The following CREBBP variants were observed in gnomAD, a reference collection of about 807,000 sequenced individuals.
The protein encoded by CREBBP is CREB-binding protein.
CREBBP carries 19 observed loss-of-function variants against 265.0 expected under a neutral mutation model. That is an observed-to-expected ratio of 0.07 (90% CI 0.05 to 0.11). The LOEUF is 0.11. Ranked by LOEUF, CREBBP falls within the 10% of genes least tolerant of loss-of-function variation. The probability of loss-of-function intolerance (pLI) is 1.00; values close to 1 mark genes in which losing one functional copy is unlikely to be tolerated. For synonymous variants in CREBBP, 1,457 were observed against 1,223.7 expected (o/e 1.19, Z -3.98); for missense variants, 2,525 against 3,219.0 (o/e 0.78, Z 5.22).
chr16:3,843,403 T>C (rs941925791), intron 2 of CREBBP, among the ~76,000 whole-genome samples: 1 of 148,670 alleles, frequency 6.7e-6, no homozygotes, highest in African/African-American at 2.5e-5. Flanking sequence ...TTATAGAAAA[T>C]AGCAATAAAG....
chr16:3,727,835 T>C lies in CREBBP; in HGVS notation c.7212A>G (p.Glu2404=), dbSNP rs55916120. The C allele has an allele frequency of 0.025, 39,823 of 1,614,136 alleles. 575 individuals are homozygous for C. Among genetic ancestry groups the C allele is most frequent in the Non-Finnish European group, 0.03 (35,541 of 1,180,020 alleles). The change falls in exon 31 of 31, where the codon GAA becomes GAG. Residue 2404 remains glutamate, a synonymous_variant. Transcript: ENST00000262367. ...SIDQGHLGNP[E]QSAMLPQLNT... ...TCAGCTGGGGGAGCATTGCACTCTG[T>C]TCGGGGTTCCCCAAGTGTCCCTGAT...
At position 3,810,588 on chromosome 16, in the gene CREBBP, C is replaced by T; in HGVS notation, c.975+15G>A. The T allele has an allele frequency of 6.2e-7, 1 of 1,613,274 alleles. No homozygotes were observed. The highest frequency in any genetic ancestry group is 1.3e-5 in the African/African-American group (1 of 74,942). On this transcript the variant is annotated intron_variant, in intron 3 of 30. Coordinates refer to ENST00000262367, the MANE Select transcript of CREBBP (RefSeq NM_004380.3). Reference sequence around the variant, plus strand: ...CACCGGAGAGCCATAACACTGAGGGCCAAGGGTAACTTACCATATTTGGCA... The same window carrying T: ...CACCGGAGAGCCATAACACTGAGGGTCAAGGGTAACTTACCATATTTGGCA...
chr16:3,844,759 G>T (rs759605237), intron 2 of CREBBP, among the ~76,000 whole-genome samples: 2 of 152,146 alleles, frequency 1.3e-5, no homozygotes, highest in African/African-American at 4.8e-5. Flanking sequence ...AAAGCAGCCA[G>T]ATTACCAGAG....
chr16:3,769,411 A>G (rs1596882851), intron 14 of CREBBP, 58 bp from the exon 15 acceptor site: 1 of 1,593,334 alleles, frequency 6.3e-7, no homozygotes, highest in East Asian at 2.2e-5. Flanking sequence ...ATGATCTTCA[A>G]CTATGCTGCT....
intron 26 of CREBBP, 61 bp downstream of exon 26, chr16:3,738,498 T>C: frequency 1.0e-6 from 1 of 1,004,988 alleles, no homozygotes; most frequent in Middle Eastern, 2.1e-4. Context: ...TTTCACGGAA[T>C]AAACATACAG....
chr16:3,849,718 G>A (rs540523740), intron 2 of CREBBP, among the ~76,000 whole-genome samples: 1 of 151,730 alleles, frequency 6.6e-6, no homozygotes, highest in South Asian at 2.1e-4. Flanking sequence ...GAGCTTCTGA[G>A]TCAATAAAGA....
At chr16:3,732,084 G>T in intron 28 of CREBBP, 147 bp from the exon 29 acceptor site, 2 of 1,438,330 alleles carry the variant, frequency 1.4e-6, no homozygotes, top group Non-Finnish European at 9.7e-7. Context: ...GCTACAGGTG[G>T]CTGTAGGTGC....
At chr16:3,755,419 T>A (rs1298644050) in intron 19 of CREBBP, among the ~76,000 whole-genome samples, 1 of 152,246 alleles carries the variant, frequency 6.6e-6, no homozygotes, top group Non-Finnish European at 1.5e-5. Flanking sequence ...GGCATTTTTC[T>A]GGGTGTAGTT....
At chr16:3,784,431 G>T (rs1272996674) in intron 5 of CREBBP, 1 of 152,210 alleles carries the variant, frequency 6.6e-6, no homozygotes, top group Non-Finnish European at 1.5e-5. Context: ...TGTAGCTGAA[G>T]TAAGTCACGC....
chr16:3,762,782 T>A (rs1188738363), intron 16 of CREBBP, among the ~76,000 whole-genome samples: 2 of 151,900 alleles, frequency 1.3e-5, no homozygotes, highest in Non-Finnish European at 2.9e-5. Flanking sequence ...TGGTCACATT[T>A]TTATTTTTTT....
intron 2 of CREBBP, among the ~76,000 whole-genome samples, chr16:3,822,487 T>C (rs2054160273): frequency 6.6e-6 from 1 of 152,162 alleles, no homozygotes; most frequent in East Asian, 1.9e-4. Context: ...GAACTAATTC[T>C]TGAACTGGGC....
At chr16:3,775,246 G>C (rs1285410765) in intron 11 of CREBBP, among the ~76,000 whole-genome samples, 4 of 152,166 alleles carry the variant, frequency 2.6e-5, no homozygotes, top group Non-Finnish European at 5.9e-5. Context: ...TTTTAATTTT[G>C]CAAGCACCTT....
chr16:3,726,453 G>C lies in CREBBP; in HGVS notation c.*1265C>G, dbSNP rs993781761. On this transcript the variant is annotated 3_prime_UTR_variant, in exon 31 of 31. Transcript: ENST00000262367. Reference sequence around the variant, plus strand: ...CCCACCTCAGTCTCCGGGAAGAAAAGCCTCCGGGCGGCCGCTAAGCCTGGG... The same window carrying C: ...CCCACCTCAGTCTCCGGGAAGAAAACCCTCCGGGCGGCCGCTAAGCCTGGG... 4.3e-6 allele frequency: 1 copy of C among 233,176 alleles called. No homozygotes were observed. Among genetic ancestry groups the C allele is most frequent in the African/African-American group, 2.2e-5 (1 of 45,282 alleles). The allele number at this position is 233,176 out of a possible 1,614,324, so 14.4% of individuals were successfully genotyped here. A position where few individuals can be genotyped will look rare whatever the true frequency, so the allele number is the denominator to read the frequency against.
intron 3 of CREBBP, among the ~76,000 whole-genome samples, chr16:3,795,739 GTCCATC>G (rs2053595221): frequency 6.6e-6 from 1 of 152,122 alleles, no homozygotes; most frequent in Admixed American, 6.6e-5. Context: ...GGATTGGAAG[GTCCATC>G]GAGAAATCAA....
rs2051759216 is a variant in CREBBP, at chr16:3,726,853, T to C, written c.*865A>G. 1 of 233,526 alleles carries C rather than the reference T, an allele frequency of 4.3e-6. No individual in the cohort carries two copies. The highest frequency in any genetic ancestry group is 2.2e-5 in the African/African-American group (1 of 45,366). 14.5% of individuals were successfully genotyped at this position (233,526 alleles called of 1,614,324 possible). A position where few individuals can be genotyped will look rare whatever the true frequency, so the allele number is the denominator to read the frequency against. On this transcript the variant is annotated 3_prime_UTR_variant, in exon 31 of 31. Transcript: ENST00000262367. ...GCACACAGTTTATTTAACAATATGATATAAGAAATGAGTTGGTATTTTACC... is the reference window on the plus strand; with the variant it reads ...GCACACAGTTTATTTAACAATATGACATAAGAAATGAGTTGGTATTTTACC...
intron 3 of CREBBP, among the ~76,000 whole-genome samples, chr16:3,802,944 T>A (rs1031782832): frequency 6.6e-6 from 1 of 151,952 alleles, no homozygotes; most frequent in East Asian, 1.9e-4. Context: ...CAATAACCAC[T>A]TGCTCAGGTT....
At chr16:3,738,796 A>G in intron 25 of CREBBP, 124 bp from the exon 26 acceptor site, 1 of 723,516 alleles carries the variant, frequency 1.4e-6, no homozygotes, top group Admixed American at 2.0e-5. Flanking sequence ...TTCAGGCTGC[A>G]ATGCGGTGAC....
chr16:3,755,905 A>C (rs2052574738), intron 19 of CREBBP, among the ~76,000 whole-genome samples: 1 of 152,216 alleles, frequency 6.6e-6, no homozygotes, highest in Non-Finnish European at 1.5e-5. Flanking sequence ...AGGAATAAGC[A>C]GGCCAGGCTT....
intron 3 of CREBBP, among the ~76,000 whole-genome samples, chr16:3,797,617 A>C (rs529157680): frequency 1.3e-4 from 20 of 152,148 alleles, no homozygotes; most frequent in East Asian, 9.6e-4. Context: ...CTCTCTCTCT[A>C]AACACCTTAT....
Sources: gnomAD v4.1 joint callset for allele counts (sites outside exome capture counted in the v4.1 genomes callset) on GRCh38, gnomAD v4.1.1 for gene constraint, MANE v1.5 for transcripts, NCBI Gene and HGNC (gene_info 2026-07-23, HGNC 2026-07-21) for gene names.